Variants in CCDC102B observed in about 807,000 individuals in gnomAD.
CCDC102B encodes coiled-coil domain containing 102B.
Under a neutral mutation model 57.4 loss-of-function variants are expected in CCDC102B, and 75 were observed. The ratio of observed to expected loss-of-function variants is 1.31; its 90% CI spans 1.08 to 1.58. CCDC102B has a LOEUF of 1.58. Ranked by LOEUF, CCDC102B falls within the 40% of genes most tolerant of loss-of-function variation. CCDC102B has a pLI of 0.00. For missense variants in CCDC102B, 636 were observed against 582.6 expected, an observed-to-expected ratio of 1.09 and a Z score of -0.94; for synonymous variants, 206 against 201.9, an observed-to-expected ratio of 1.02 and a Z score of -0.17.
chr18:68,732,642 C>T (rs1057378579), intron 2 of CCDC102B, among the ~76,000 whole-genome samples: 6 of 152,104 alleles, frequency 3.9e-5, no homozygotes, highest in Non-Finnish European at 7.4e-5. Context: ...CCACAGCGCC[C>T]GGCCTACTTG....
chr18:68,795,287 A>T (rs2035592839), upstream of CCDC102B, among the ~76,000 whole-genome samples: 1 of 152,150 alleles, frequency 6.6e-6, no homozygotes, highest in Non-Finnish European at 1.5e-5. Context: ...TGAAAGATTT[A>T]AATGGCTCCT....
chr18:69,043,400 T>C (rs187436529), intron 7 of CCDC102B, among the ~76,000 whole-genome samples: 2 of 152,164 alleles, frequency 1.3e-5, no homozygotes, highest in East Asian at 3.9e-4. Context: ...ACAGACCCTT[T>C]ATGGGTGTCG....
Position 68,775,653 on chromosome 18 carries a change from AT to A in CCDC102B, c.-66-47691del, listed in dbSNP as rs369282225. ...GCTAGTAGGCATCGATAACTCCTGG[AT>A]TTTTTTTTTTTTTTTTTTTTTAAGG... On this transcript the variant is annotated intron_variant, in intron 2 of 3. Coordinates refer to the CCDC102B transcript ENST00000578970. Among the ~76,000 whole-genome samples, 38 of 115,510 alleles carry A rather than the reference AT, an allele frequency of 3.3e-4. No homozygotes were observed. The Middle Eastern group carries it at 0.016, about 49-fold the overall frequency. 75.8% of individuals were successfully genotyped at this position (115,510 alleles called of 152,430 possible).
intron 6 of CCDC102B, among the ~76,000 whole-genome samples, chr18:68,995,759 T>C (rs1276541541): frequency 6.6e-6 from 1 of 151,572 alleles, no homozygotes; most frequent in Non-Finnish European, 1.5e-5. Context: ...CCACACAGAG[T>C]CCCGACTGGG....
At chr18:68,900,812 A>C (rs2145031970) in intron 6 of CCDC102B, among the ~76,000 whole-genome samples, 1 of 152,296 alleles carries the variant, frequency 6.6e-6, no homozygotes, top group African/African-American at 2.4e-5. Context: ...TTAATGAAGA[A>C]ACCAGCAAGT....
At chr18:68,890,444 T>G (rs1240351100) in intron 5 of CCDC102B, among the ~76,000 whole-genome samples, 1 of 152,162 alleles carries the variant, frequency 6.6e-6, no homozygotes, top group African/African-American at 2.4e-5. Flanking sequence ...CTAGGCTGCT[T>G]AAATTCCTGG....
intron 6 of CCDC102B, among the ~76,000 whole-genome samples, chr18:68,911,556 T>A (rs929955465): frequency 6.7e-6 from 1 of 150,166 alleles, no homozygotes; most frequent in Non-Finnish European, 1.5e-5. Context: ...ATCGAGACCA[T>A]CCTGGCTAAC....
At chr18:68,973,683 A>G (rs1316717455) in intron 6 of CCDC102B, among the ~76,000 whole-genome samples, 1 of 152,142 alleles carries the variant, frequency 6.6e-6, no homozygotes, top group African/African-American at 2.4e-5. Context: ...GTAAAATATC[A>G]TTACGGATTT....
intron 6 of CCDC102B, among the ~76,000 whole-genome samples, chr18:68,953,426 T>A (rs557520657): frequency 6.6e-6 from 1 of 151,512 alleles, no homozygotes; most frequent in African/African-American, 2.4e-5. Flanking sequence ...TAGTTTTGAT[T>A]TGTATTTCCC....
At chr18:68,897,654 A>G (rs1012847054) in intron 6 of CCDC102B, 24 of 1,458,844 alleles carry the variant, frequency 1.6e-5, no homozygotes, top group Non-Finnish European at 2.1e-5. Flanking sequence ...GACAGTTTCA[A>G]GATTTCCAAA....
chr18:68,850,851 C>T (rs1227688158), intron 4 of CCDC102B, among the ~76,000 whole-genome samples: 1 of 152,046 alleles, frequency 6.6e-6, no homozygotes, highest in African/African-American at 2.4e-5. Context: ...TCTTTCCCCT[C>T]CTACACCAGC....
intron 6 of CCDC102B, among the ~76,000 whole-genome samples, chr18:68,898,004 AT>A (rs1175272229): frequency 6.6e-6 from 1 of 152,060 alleles, no homozygotes; most frequent in African/African-American, 2.4e-5. Context: ...GGGAAATTTA[AT>A]TTTGGATGTG....
At chr18:68,815,091 A>G (rs1382713385) in intron 1 of CCDC102B, among the ~76,000 whole-genome samples, 1 of 152,154 alleles carries the variant, frequency 6.6e-6, no homozygotes, top group Non-Finnish European at 1.5e-5. Flanking sequence ...AAGTTTCTAT[A>G]ATCATACAAT....
chr18:69,045,216 C>T (rs780792074), intron 7 of CCDC102B, among the ~76,000 whole-genome samples: 16 of 151,856 alleles, frequency 1.1e-4, no homozygotes, highest in Non-Finnish European at 2.1e-4. Context: ...GTTCCTAAAA[C>T]GTATCAATAG....
chr18:69,012,813 G>A lies in CCDC102B; in HGVS notation c.1434+1709G>A, dbSNP rs555179568. Among the ~76,000 whole-genome samples, 18 of 152,154 alleles carry A rather than the reference G, an allele frequency of 1.2e-4. 2 individuals are homozygous for A. In the South Asian group the frequency reaches 3.5e-3, roughly 30 times the overall value. ...TTATTGTTGGAAGCCACTGAGATTT[G>A]GAGTTGTTTGTTGCTACAAAAAACA... On this transcript the variant is annotated intron_variant, in intron 7 of 7. Coordinates refer to ENST00000360242, the MANE Select transcript of CCDC102B (RefSeq NM_024781.3).
chr18:68,746,966 A>C (rs765591104), intron 2 of CCDC102B, among the ~76,000 whole-genome samples: 7 of 152,012 alleles, frequency 4.6e-5, no homozygotes, highest in Non-Finnish European at 7.4e-5. Flanking sequence ...CATCATAACT[A>C]TACACATTTA....
At chr18:68,853,818 A>T (rs997498770) in intron 4 of CCDC102B, among the ~76,000 whole-genome samples, 1 of 151,974 alleles carries the variant, frequency 6.6e-6, no homozygotes, top group East Asian at 1.9e-4. Context: ...ACATTGTGCT[A>T]TAAGCACACA....
chr18:68,831,908 C>T (rs1158151756), intron 1 of CCDC102B, among the ~76,000 whole-genome samples: 3 of 152,032 alleles, frequency 2.0e-5, no homozygotes, highest in African/African-American at 7.2e-5. Flanking sequence ...GTTTGACAGG[C>T]CACATTTTAT....
chr18:68,959,303 G>A (rs2049987266), intron 6 of CCDC102B, among the ~76,000 whole-genome samples: 1 of 152,082 alleles, frequency 6.6e-6, no homozygotes, highest in East Asian at 1.9e-4. Context: ...ACATCTGGAA[G>A]AATTCACTAA....
Sources: allele counts gnomAD v4.1 joint callset (sites outside exome capture counted in the v4.1 genomes callset), GRCh38; gene constraint gnomAD v4.1.1; transcripts MANE v1.5; gene names NCBI Gene and HGNC (gene_info 2026-07-23, HGNC 2026-07-21).